DLGAP1: variants seen among roughly 807,000 people sequenced by gnomAD.
DLGAP1 encodes the protein DLG associated protein 1, also known as disks large-associated protein 1.
In DLGAP1, 11 loss-of-function variants were observed where a neutral mutation model predicts 90.8. The ratio of observed to expected loss-of-function variants is 0.12; its 90% CI spans 0.08 to 0.20. The LOEUF (loss-of-function observed/expected upper bound fraction) is 0.20. Ranked by LOEUF, DLGAP1 falls within the 10% of genes least tolerant of loss-of-function variation. The probability of loss-of-function intolerance (pLI) is 1.00; values close to 1 mark genes in which losing one functional copy is unlikely to be tolerated. For missense variants in DLGAP1, 1,050 were observed against 1,333.8 expected, an observed-to-expected ratio of 0.79 and a Z score of 3.31; for synonymous variants, 558 against 540.7, an observed-to-expected ratio of 1.03 and a Z score of -0.44.
chr18:3,798,500 C>A (rs564056541), intron 5 of DLGAP1, among the ~76,000 whole-genome samples: 1 of 152,254 alleles, frequency 6.6e-6, no homozygotes, highest in Admixed American at 6.5e-5. Context: ...AGTCCAGGGC[C>A]GACCCTGGGG....
chr18:3,627,855 C>T (rs1052932248), intron 7 of DLGAP1, among the ~76,000 whole-genome samples: 3 of 150,006 alleles, frequency 2.0e-5, no homozygotes, highest in African/African-American at 7.4e-5. Flanking sequence ...TCCTTCCCTC[C>T]CTTCCTCCCT....
At chr18:4,034,797 A>G (rs1481501982) in intron 2 of DLGAP1, among the ~76,000 whole-genome samples, 1 of 152,182 alleles carries the variant, frequency 6.6e-6, no homozygotes, top group Non-Finnish European at 1.5e-5. Context: ...AAAGAAACAA[A>G]TATATTACAA....
chr18:3,578,591 G>A (rs187905394), intron 8 of DLGAP1, among the ~76,000 whole-genome samples: 2 of 151,870 alleles, frequency 1.3e-5, no homozygotes, highest in East Asian at 1.9e-4. Context: ...TCTTGACCTC[G>A]TGATCTGCCC....
intron 3 of DLGAP1, among the ~76,000 whole-genome samples, chr18:4,003,961 G>A (rs562819224): frequency 7.3e-4 from 111 of 152,296 alleles, no homozygotes; most frequent in African/African-American, 2.6e-3. Context: ...CCTGGTGTAT[G>A]ATGTAAGAGC....
chr18:3,565,842 CCA>C lies in DLGAP1; in HGVS notation c.2057+1646_2057+1647del, dbSNP rs1420924206. On this transcript the variant is annotated intron_variant, in intron 9 of 12. Coordinates refer to ENST00000315677, the MANE Select transcript of DLGAP1 (RefSeq NM_004746.4). The surrounding 1 kb of genome is among the most constrained non-coding windows in gnomAD (Gnocchi z 4.0). Reference sequence around the variant, plus strand: ...AGAGTGAGACTCTGTCTCAAAAAAACCACACACAAAAAACAAACAAACAAAAA... The same window carrying C: ...AGAGTGAGACTCTGTCTCAAAAAAACCACACAAAAAACAAACAAACAAAAA... 1.3e-5 allele frequency among the ~76,000 whole-genome samples: 2 copies of C among 151,602 alleles called. No homozygotes were observed. The highest frequency in any genetic ancestry group is 1.3e-4 in the Admixed American group (2 of 15,198).
chr18:4,209,849 T>A (rs1358621623), intron 1 of DLGAP1, among the ~76,000 whole-genome samples: 1 of 152,134 alleles, frequency 6.6e-6, no homozygotes, highest in Non-Finnish European at 1.5e-5. Context: ...ATAGCAGAAA[T>A]AATAGAAAAG....
intron 5 of DLGAP1, among the ~76,000 whole-genome samples, chr18:3,799,374 G>A (rs779576973): frequency 2.6e-5 from 4 of 152,104 alleles, no homozygotes; most frequent in African/African-American, 7.2e-5. Flanking sequence ...TGGCTAAGGC[G>A]TGCTGTCCCT....
At chr18:3,783,347 C>T (rs2065292475) in intron 5 of DLGAP1, among the ~76,000 whole-genome samples, 1 of 152,142 alleles carries the variant, frequency 6.6e-6, no homozygotes, top group Non-Finnish European at 1.5e-5. Context: ...AAAACCTGTA[C>T]ACATATGTTC....
At chr18:4,328,326 T>C (rs1398587001) in intron 1 of DLGAP1, among the ~76,000 whole-genome samples, 1 of 152,020 alleles carries the variant, frequency 6.6e-6, no homozygotes, top group African/African-American at 2.4e-5. Flanking sequence ...ACATCTCTTT[T>C]CACTTAGTAA....
At chr18:3,845,548 T>G (rs1208026462) in intron 4 of DLGAP1, 1 of 985,338 alleles carries the variant, frequency 1.0e-6, no homozygotes, top group African/African-American at 1.7e-5. Context: ...CAATTTTGCA[T>G]AGCAGTTGTA....
intron 7 of DLGAP1, among the ~76,000 whole-genome samples, chr18:3,698,588 A>G (rs1273563200): frequency 6.6e-6 from 1 of 151,896 alleles, no homozygotes; most frequent in African/African-American, 2.4e-5. Flanking sequence ...TTTGTGGGTA[A>G]CCCGACCTTT....
intron 5 of DLGAP1, among the ~76,000 whole-genome samples, chr18:3,807,460 TG>T (rs1211889193): frequency 6.6e-6 from 1 of 152,188 alleles, no homozygotes; most frequent in East Asian, 1.9e-4. Context: ...GATGGAAATT[TG>T]TCATTTGTAA....
chr18:4,029,276 C>G (rs1006261059), intron 2 of DLGAP1, among the ~76,000 whole-genome samples: 1 of 152,128 alleles, frequency 6.6e-6, no homozygotes, highest in Non-Finnish European at 1.5e-5. Context: ...TAGACTGATT[C>G]CAGATCTTGG....
intron 7 of DLGAP1, chr18:3,597,230 A>G (rs1451290328): frequency 9.7e-6 from 5 of 515,222 alleles, no homozygotes; most frequent in South Asian, 7.1e-5. Context: ...ATTTCATGAA[A>G]ATTAGTAGCA....
chr18:3,762,874 A>C (rs2064033767), intron 5 of DLGAP1, among the ~76,000 whole-genome samples: 1 of 152,192 alleles, frequency 6.6e-6, no homozygotes, highest in South Asian at 2.1e-4. Context: ...TCTCTTTGAC[A>C]AGAAGGCACC....
rs1324364565 is a variant in DLGAP1 at position 4,019,946 on chromosome 18, A to G, written c.-158-14745T>C. 2.0e-5 allele frequency among the ~76,000 whole-genome samples: 3 copies of G among 152,374 alleles called. No individual in the cohort carries two copies. The East Asian group carries it at 5.8e-4, about 29-fold the overall frequency. Reference sequence around the variant, plus strand: ...TTCAGGGAGACATAGTACATCCATCAATACATGTAAGATTTACATTGGTTT... The same window carrying G: ...TTCAGGGAGACATAGTACATCCATCGATACATGTAAGATTTACATTGGTTT... On this transcript the variant is annotated intron_variant, in intron 2 of 12. Coordinates refer to ENST00000315677, the MANE Select transcript of DLGAP1 (RefSeq NM_004746.4).
At chr18:3,588,029 C>G (rs1225557404) in intron 7 of DLGAP1, among the ~76,000 whole-genome samples, 1 of 152,048 alleles carries the variant, frequency 6.6e-6, no homozygotes, top group East Asian at 1.9e-4. Context: ...TATTTTTTTC[C>G]TCATCTGGCT....
chr18:3,547,028 G>A (rs1416358080), intron 9 of DLGAP1, among the ~76,000 whole-genome samples: 3 of 151,852 alleles, frequency 2.0e-5, no homozygotes, highest in East Asian at 3.8e-4. Context: ...AGAGCCGGGC[G>A]CGGTGGCTCA....
intron 2 of DLGAP1, among the ~76,000 whole-genome samples, chr18:4,145,087 T>C (rs1294234997): frequency 6.6e-6 from 1 of 152,240 alleles, no homozygotes; most frequent in Non-Finnish European, 1.5e-5. Context: ...TTTTCTATTG[T>C]GAAGGTCTTG....
Sources: gnomAD v4.1 joint callset for allele counts (sites outside exome capture counted in the v4.1 genomes callset) on GRCh38, gnomAD v4.1.1 for gene constraint, Gnocchi (gnomAD v3.1) non-coding constraint, MANE v1.5 for transcripts, NCBI Gene and HGNC (gene_info 2026-07-23, HGNC 2026-07-21) for gene names.